The following SLC24A3 variants were observed in gnomAD, a reference collection of about 807,000 sequenced individuals.
SLC24A3 encodes sodium/potassium/calcium exchanger 3.
In SLC24A3, 28 loss-of-function variants were observed where a neutral mutation model predicts 75.8. That is an observed-to-expected ratio of 0.37 (90% CI 0.27 to 0.51). The LOEUF (loss-of-function observed/expected upper bound fraction) is 0.51. Ranked by LOEUF, SLC24A3 falls within the 20% of genes least tolerant of loss-of-function variation. The pLI is 0.94. For missense variants in SLC24A3, 663 were observed against 847.8 expected (o/e 0.78, Z 2.71); for synonymous variants, 372 against 334.1 (o/e 1.11, Z -1.24).
At chr20:19,631,575 A>G (rs1216566406) in intron 6 of SLC24A3, among the ~76,000 whole-genome samples, 2 of 152,174 alleles carry the variant, frequency 1.3e-5, no homozygotes, top group South Asian at 2.1e-4. Context: ...GTTTACACTC[A>G]TGGTCACGTG....
At chr20:19,439,013 C>T (rs1987255838) in intron 2 of SLC24A3, among the ~76,000 whole-genome samples, 2 of 152,250 alleles carry the variant, frequency 1.3e-5, no homozygotes, top group African/African-American at 2.4e-5. Context: ...AAGCCTTTGG[C>T]TGTGGCTTTC....
At chr20:19,281,193 T>C in intron 2 of SLC24A3, 106 bp downstream of exon 2, 1 of 1,506,228 alleles carries the variant, frequency 6.6e-7, no homozygotes, top group Middle Eastern at 2.1e-4. Flanking sequence ...CCAGAAAGCC[T>C]CCAAAGATGT....
intron 3 of SLC24A3, among the ~76,000 whole-genome samples, chr20:19,565,213 G>A (rs1021283200): frequency 6.6e-6 from 1 of 152,216 alleles, no homozygotes; most frequent in Non-Finnish European, 1.5e-5. Context: ...GCTTACATAT[G>A]TAGAAGATAT....
intron 2 of SLC24A3, among the ~76,000 whole-genome samples, chr20:19,428,465 G>C (rs1222603447): frequency 1.3e-5 from 2 of 152,180 alleles, no homozygotes; most frequent in Non-Finnish European, 2.9e-5. Flanking sequence ...TTCTAAAATG[G>C]GAACAAGGAT....
chr20:19,507,418 A>G (rs1421207776), intron 2 of SLC24A3, among the ~76,000 whole-genome samples: 1 of 152,236 alleles, frequency 6.6e-6, no homozygotes, highest in Non-Finnish European at 1.5e-5. Flanking sequence ...ATCAGTGGCT[A>G]CAAAATACAA....
rs57141121 is a variant in SLC24A3, at chr20:19,465,419, A to G, written c.272-50069A>G. Among the ~76,000 whole-genome samples the G allele has an allele frequency of 3.1e-3, 469 of 150,288 alleles. 4 individuals carry two copies. Among genetic ancestry groups the G allele is most frequent in the African/African-American group, 0.011 (449 of 41,080 alleles). ...TTTTTTTATCAAAACACAAAAACTC[A>G]AGAGACTTTTTACTAATGTTCTTTC... On this transcript the variant is annotated intron_variant, in intron 2 of 16. Transcript: ENST00000328041.
intron 2 of SLC24A3, among the ~76,000 whole-genome samples, chr20:19,470,592 A>G (rs1987854017): frequency 1.3e-5 from 2 of 152,166 alleles, no homozygotes; most frequent in South Asian, 2.1e-4. Flanking sequence ...ATGTGCACAC[A>G]TGTACATACA....
intron 2 of SLC24A3, among the ~76,000 whole-genome samples, chr20:19,298,871 G>A (rs1984123592): frequency 6.6e-6 from 1 of 152,176 alleles, no homozygotes; most frequent in African/African-American, 2.4e-5. Context: ...GAGGGAGCTG[G>A]GGTATTTATA....
chr20:19,398,337 T>G (rs1986492601), intron 2 of SLC24A3, among the ~76,000 whole-genome samples: 1 of 152,178 alleles, frequency 6.6e-6, no homozygotes, highest in Non-Finnish European at 1.5e-5. Flanking sequence ...TTTACTTCAG[T>G]GTTCAATTTC....
At chr20:19,574,622 G>A (rs879625969) in intron 3 of SLC24A3, among the ~76,000 whole-genome samples, 1 of 152,204 alleles carries the variant, frequency 6.6e-6, no homozygotes, top group Non-Finnish European at 1.5e-5. Flanking sequence ...CCTCCAGCAG[G>A]CTAGCTTGGG....
chr20:19,475,735 A>C (rs1404434135), intron 2 of SLC24A3, among the ~76,000 whole-genome samples: 3 of 152,202 alleles, frequency 2.0e-5, no homozygotes, highest in African/African-American at 4.8e-5. Flanking sequence ...GAAGGATGGA[A>C]ACTTATTTTT....
In SLC24A3 at chr20:19,635,040, T is replaced by G. The variant is rs186700209; in HGVS notation, c.613-19022T>G. Among the ~76,000 whole-genome samples the G allele has an allele frequency of 3.0e-3, 452 of 152,340 alleles. 2 individuals carry two copies. The highest frequency in any genetic ancestry group is 9.8e-3 in the African/African-American group (406 of 41,582). ...GTCATAGACACAGCCTATTTCTAACTCACTGATGGCTGTAAAATGTACCCA... is the reference window on the plus strand; with the variant it reads ...GTCATAGACACAGCCTATTTCTAACGCACTGATGGCTGTAAAATGTACCCA... On this transcript the variant is annotated intron_variant, in intron 6 of 16. Transcript: ENST00000328041.
At chr20:19,340,092 T>C (rs1294952091) in intron 2 of SLC24A3, among the ~76,000 whole-genome samples, 1 of 152,156 alleles carries the variant, frequency 6.6e-6, no homozygotes, top group Non-Finnish European at 1.5e-5. Flanking sequence ...AAAGAAGATA[T>C]GTTGGCGTCT....
chr20:19,496,078 C>G (rs1988281946), intron 2 of SLC24A3, among the ~76,000 whole-genome samples: 1 of 152,228 alleles, frequency 6.6e-6, no homozygotes, highest in Non-Finnish European at 1.5e-5. Flanking sequence ...GCAGACGAGT[C>G]AGACATGCCT....
Position 19,603,783 on chromosome 20 carries a change from A to G in SLC24A3, c.612+18239A>G, listed in dbSNP as rs1235737365. Among the ~76,000 whole-genome samples the G allele has an allele frequency of 2.0e-5, 3 of 152,120 alleles. No individual in the cohort carries two copies. The East Asian group carries it at 5.8e-4, about 29-fold the overall frequency. ...ACATTATGCACATATTCAAAGAAAA[A>G]AAAACAAGGCTGTGAGTTCCAGGGG... On this transcript the variant is annotated intron_variant, in intron 6 of 16. Coordinates refer to ENST00000328041, the MANE Select transcript of SLC24A3 (RefSeq NM_020689.4).
intron 6 of SLC24A3, among the ~76,000 whole-genome samples, chr20:19,650,839 G>A (rs1184550506): frequency 2.0e-5 from 3 of 152,090 alleles, no homozygotes; most frequent in African/African-American, 7.2e-5. Flanking sequence ...TGCTTGCTTA[G>A]TTTTCTATGT....
chr20:19,427,567 GC>G (rs1480379258), intron 2 of SLC24A3, among the ~76,000 whole-genome samples: 2 of 152,202 alleles, frequency 1.3e-5, no homozygotes, highest in Non-Finnish European at 2.9e-5. Flanking sequence ...TGCAGCCTTG[GC>G]CCCAAAAATG....
intron 8 of SLC24A3, among the ~76,000 whole-genome samples, chr20:19,670,575 T>G (rs1401846814): frequency 6.6e-6 from 1 of 152,208 alleles, no homozygotes; most frequent in Non-Finnish European, 1.5e-5. Context: ...ACTACAATAT[T>G]TCATTAAAGT....
chr20:19,677,104 T>C (rs188725538), intron 9 of SLC24A3, among the ~76,000 whole-genome samples: 6 of 152,338 alleles, frequency 3.9e-5, no homozygotes, highest in African/African-American at 9.6e-5. Flanking sequence ...TATAGTATTA[T>C]TATCCTGTTC....
Sources: gnomAD v4.1 joint callset for allele counts (sites outside exome capture counted in the v4.1 genomes callset) on GRCh38, gnomAD v4.1.1 for gene constraint, MANE v1.5 for transcripts, NCBI Gene and HGNC (gene_info 2026-07-23, HGNC 2026-07-21) for gene names.